CDHR2: variants seen among roughly 807,000 people sequenced by gnomAD.
CDHR2 encodes the protein cadherin-related family member 2.
Under a neutral mutation model 138.6 loss-of-function variants are expected in CDHR2, and 104 were observed. The observed-to-expected ratio is 0.75, with a 90% confidence interval of 0.64 to 0.88. CDHR2 has a LOEUF of 0.88. Ranked by LOEUF, CDHR2 falls within the 40% of genes least tolerant of loss-of-function variation. The pLI is 0.00. For missense variants in CDHR2, 1,624 were observed against 1,727.6 expected, an observed-to-expected ratio of 0.94 and a Z score of 1.06; for synonymous variants, 755 against 742.8, an observed-to-expected ratio of 1.02 and a Z score of -0.27.
At chr5:176,574,047 G>A in intron 6 of CDHR2, 36 bp from the exon 7 acceptor site, 1 of 1,522,232 alleles carries the variant, frequency 6.6e-7, no homozygotes, top group Non-Finnish European at 9.1e-7. Context: ...GGAGGAGCTG[G>A]ATTTGAGCTC....
Position 176,584,617 on chromosome 5 carries a change from G to A in CDHR2, c.2336G>A (p.Ser779Asn). 6.2e-7 allele frequency: 1 copy of A among 1,608,032 alleles called. No homozygotes were observed. The highest frequency in any genetic ancestry group is 8.5e-7 in the Non-Finnish European group (1 of 1,175,488). ...ETQPVFNLTVSAENPDPQGGE... is the reference protein window; with the variant it reads ...ETQPVFNLTVNAENPDPQGGE... ...CAGCCCGTCTTCAACTTGACAGTGA[G>A]TGCTGAGAACCCAGACCCCCAGGGG... is the stretch of plus-strand genomic sequence containing the variant. The change falls in exon 19 of 32, where the codon AGT (serine) becomes AAT (asparagine). Residue 779 changes from serine to asparagine, a missense_variant. Physicochemically the swap from Ser to Asn is conservative, Grantham distance 46. Around this residue, in one of 3 missense-constraint regions of CDHR2, gnomAD observed 1,061 missense variants for 1,136.6 expected, o/e 0.93. Transcript: ENST00000261944.
chr5:176,566,362 C>T (rs368830946), intron 3 of CDHR2, among the ~76,000 whole-genome samples: 4 of 152,148 alleles, frequency 2.6e-5, no homozygotes, highest in South Asian at 2.1e-4. Flanking sequence ...GGTGCAGGAA[C>T]GAATGAAGTT....
chr5:176,588,756 T>C (rs1305436695), intron 21 of CDHR2, among the ~76,000 whole-genome samples: 1 of 149,770 alleles, frequency 6.7e-6, no homozygotes, highest in African/African-American at 2.5e-5. Context: ...AGTGGAGGGG[T>C]GTAGGGGGAG....
rs1758139993 is a variant in CDHR2 at position 176,568,746 on chromosome 5, C to T, written c.193C>T (p.Pro65Ser). The T allele has an allele frequency of 6.2e-7, 1 of 1,614,248 alleles. No homozygotes were observed. Among genetic ancestry groups the T allele is most frequent in the Non-Finnish European group, 8.5e-7 (1 of 1,180,040 alleles). Residue 65 changes from proline (P) to serine (S), a missense_variant, in exon 4 of 32, where the codon CCC becomes TCC. Coordinates refer to ENST00000261944, the MANE Select transcript of CDHR2 (RefSeq NM_017675.6). The part of the protein sequence containing the change: ...NDPLTYGMSG[P>S]NAYFFAVTPK... ...CCCTCTGACCTATGGGATGAGCGGC[C>T]CCAATGCCTACTTCTTCGCTGTCAC...
At position 176,558,221 on chromosome 5, in the gene CDHR2, T is replaced by A. The variant is rs1340458319; in HGVS notation, c.-15-7117T>A. 8.8e-5 allele frequency among the ~76,000 whole-genome samples: 13 copies of A among 148,492 alleles called. 1 individual carries two copies. Among genetic ancestry groups the A allele is most frequent in the African/African-American group, 1.7e-4 (7 of 40,420 alleles). On this transcript the variant is annotated intron_variant, in intron 1 of 31. Coordinates refer to ENST00000261944, the MANE Select transcript of CDHR2 (RefSeq NM_017675.6). ...GCTTAGTTTTCTTTTCTTATTTTTT[T>A]TTTTTTTTTTTTGAGACGGAGTCTC...
At chr5:176,551,392 T>C (rs1757702631) in intron 1 of CDHR2, among the ~76,000 whole-genome samples, 1 of 152,188 alleles carries the variant, frequency 6.6e-6, no homozygotes, top group South Asian at 2.1e-4. Flanking sequence ...GGTCCAGGCA[T>C]TTTTTGAGAG....
Position 176,568,944 on chromosome 5 carries a change from T to C in CDHR2, c.265-16T>C. The C allele has an allele frequency of 1.2e-6, 2 of 1,613,954 alleles. No homozygotes were observed. Among genetic ancestry groups the C allele is most frequent in the Non-Finnish European group, 1.7e-6 (2 of 1,179,890 alleles). ...GCGGGGGCTCACCACCGGCCCCTTC[T>C]CTCTGGCTGCTGCAGACACTCTACA... On this transcript the variant is annotated splice_polypyrimidine_tract_variant and intron_variant, in intron 4 of 31. Coordinates refer to ENST00000261944, the MANE Select transcript of CDHR2 (RefSeq NM_017675.6).
At chr5:176,548,124 G>A (rs1454222048), upstream of CDHR2, among the ~76,000 whole-genome samples, 1 of 152,152 alleles carries the variant, frequency 6.6e-6, no homozygotes, top group African/African-American at 2.4e-5. Flanking sequence ...GTAACACAGG[G>A]GTAAGTATTT....
chr5:176,590,019 C>T, intron 24 of CDHR2, 59 bp from the exon 25 acceptor site: 3 of 1,383,236 alleles, frequency 2.2e-6, no homozygotes, highest in Non-Finnish European at 3.1e-6. Context: ...ACTGGCACAG[C>T]CCTGGCCACA....
intron 31 of CDHR2, 98 bp from the exon 32 acceptor site, chr5:176,595,434 C>T: frequency 2.2e-6 from 3 of 1,348,062 alleles, no homozygotes; most frequent in Non-Finnish European, 2.9e-6. Context: ...GCCAAGGAAC[C>T]ACTGGTCGTG....
At chr5:176,592,622 G>A (rs892009970) in intron 30 of CDHR2, 101 bp from the exon 31 acceptor site, 3 of 885,324 alleles carry the variant, frequency 3.4e-6, no homozygotes, top group African/African-American at 3.3e-5. Context: ...GATGGTGGTA[G>A]TCGTGGTGAT....
At chr5:176,588,327 T>C (rs1030926075) in intron 21 of CDHR2, among the ~76,000 whole-genome samples, 1 of 151,706 alleles carries the variant, frequency 6.6e-6, no homozygotes, top group African/African-American at 2.4e-5. Flanking sequence ...TGTGTGTGAC[T>C]GTGCAAGTGT....
downstream of CDHR2, chr5:176,595,912 G>A (rs995772151): frequency 2.5e-5 from 10 of 399,276 alleles, no homozygotes; most frequent in Non-Finnish European, 4.4e-5. Flanking sequence ...TGGGCTCACA[G>A]CACAGGGGGG....
intron 17 of CDHR2, among the ~76,000 whole-genome samples, chr5:176,583,088 A>G (rs1758565922): frequency 6.6e-6 from 1 of 152,238 alleles, no homozygotes; most frequent in Admixed American, 6.5e-5. Flanking sequence ...AAGCAGAATG[A>G]GGACTTGCTG....
chr5:176,552,430 G>C (rs1273648073), intron 1 of CDHR2, among the ~76,000 whole-genome samples: 5 of 152,226 alleles, frequency 3.3e-5, no homozygotes, highest in Non-Finnish European at 7.3e-5. Context: ...CCTCAGGAGT[G>C]GGAGAGAGCA....
chr5:176,573,514 G>A (rs1758283192), intron 6 of CDHR2, among the ~76,000 whole-genome samples: 2 of 151,968 alleles, frequency 1.3e-5, no homozygotes, highest in Admixed American at 1.3e-4. Flanking sequence ...AGGCATGGTG[G>A]TGGGCGCCTA....
At position 176,560,759 on chromosome 5, in the gene CDHR2, G is replaced by A. The variant is rs552645372; in HGVS notation, c.-15-4579G>A. ...CTATTTACTGAGGGAATGAATGAGC[G>A]AATCAGGGTACTCGGCACATATTAG... On this transcript the variant is annotated intron_variant, in intron 1 of 31. Transcript: ENST00000261944. Among the ~76,000 whole-genome samples, 4 of 152,374 alleles carry A rather than the reference G, an allele frequency of 2.6e-5. No homozygotes were observed. In the East Asian group the frequency reaches 5.8e-4, roughly 22 times the overall value.
At position 176,576,114 on chromosome 5, in the gene CDHR2, T is replaced by C; in HGVS notation, c.1123T>C (p.Tyr375His). 1 of 1,614,112 alleles carries C rather than the reference T, an allele frequency of 6.2e-7. No homozygotes were observed. The highest frequency in any genetic ancestry group is 8.5e-7 in the Non-Finnish European group (1 of 1,180,020). ...PEEAQVNFTG[Y>H]VDEHASPRIP... ...AGAGGCCCAAGTGAACTTCACTGGC[T>C]ACGTGGACGAGCATGCCTCCCCCCG... Residue 375 changes from tyrosine to histidine, a missense_variant, in exon 12 of 32, where the codon TAC becomes CAC. Physicochemically the swap from Tyr to His is moderately conservative, Grantham distance 83. Coordinates refer to ENST00000261944, the MANE Select transcript of CDHR2 (RefSeq NM_017675.6). This position sits in a 1 kb window ranked among gnomAD's most constrained non-coding sequence, Gnocchi z 4.5.
At chr5:176,561,563 G>A (rs1437590363) in intron 1 of CDHR2, among the ~76,000 whole-genome samples, 8 of 152,104 alleles carry the variant, frequency 5.3e-5, no homozygotes. Flanking sequence ...AGGTCACCAT[G>A]GATGGGCGGA....
Sources: gnomAD v4.1 joint callset for allele counts (sites outside exome capture counted in the v4.1 genomes callset) on GRCh38, gnomAD v4.1.1 for gene constraint, gnomAD v4.1.1 regional missense constraint, Gnocchi (gnomAD v3.1) non-coding constraint, MANE v1.5 for transcripts, NCBI Gene and HGNC (gene_info 2026-07-23, HGNC 2026-07-21) for gene names.